Variants in FAM135B observed in about 807,000 individuals in gnomAD.
FAM135B encodes the protein protein FAM135B.
A neutral mutation model predicts 127.7 loss-of-function variants in FAM135B; 43 were observed. The observed-to-expected ratio is 0.34, with a 90% CI of 0.26 to 0.43. FAM135B has a LOEUF of 0.43. Among genes scored for constraint, FAM135B ranks in the 20% least tolerant of loss-of-function variants. The pLI is 1.00. For missense variants in FAM135B, 1,558 were observed against 1,725.6 expected, an observed-to-expected ratio of 0.90 and a Z score of 1.72; for synonymous variants, 670 against 665.1, an observed-to-expected ratio of 1.01 and a Z score of -0.11.
At chr8:138,206,285 G>GCATCCCCTCCACCTACA (rs1817574494) in intron 7 of FAM135B, among the ~76,000 whole-genome samples, 2 of 12,518 alleles carry the variant, frequency 1.6e-4, no homozygotes, top group Admixed American at 7.7e-4. Flanking sequence ...CTCCACCTAC[G>GCATCCCCTCCACCTACA]CACAGCTCTA....
intron 7 of FAM135B, among the ~76,000 whole-genome samples, chr8:138,234,010 G>A (rs980109477): frequency 1.5e-4 from 23 of 152,230 alleles, no homozygotes; most frequent in South Asian, 6.2e-4. Context: ...TTGTCATCAC[G>A]TGACATCTCT....
chr8:138,303,372 G>C (rs985979023), intron 3 of FAM135B, among the ~76,000 whole-genome samples: 3 of 152,116 alleles, frequency 2.0e-5, no homozygotes, highest in African/African-American at 7.2e-5. Flanking sequence ...ACTCATAAGT[G>C]GGAGTTGAAC....
chr8:138,316,924 G>C (rs1412600837), intron 2 of FAM135B, among the ~76,000 whole-genome samples: 3 of 151,498 alleles, frequency 2.0e-5, no homozygotes, highest in Non-Finnish European at 4.4e-5. Flanking sequence ...AGCTTGCAGT[G>C]AGCCGTGACC....
Position 138,152,961 on chromosome 8 carries a change from C to G in FAM135B, c.1514G>C (p.Gly505Ala), listed in dbSNP as rs1009509619. Residue 505 changes from glycine (G) to alanine (A), a missense_variant, in exon 13 of 20, where the codon GGT becomes GCT. Physicochemically the swap from Gly to Ala is moderately conservative, Grantham distance 60. Around this residue, in one of 5 missense-constraint regions of FAM135B, gnomAD observed 923 missense variants for 865.3 expected, o/e 1.07. Coordinates refer to ENST00000395297, the MANE Select transcript of FAM135B (RefSeq NM_015912.4). Reference protein sequence around the residue: ...CSESQVYISIGEFQNKAGVPE... With the variant: ...CSESQVYISIAEFQNKAGVPE... ...CACACCTGCTTTGTTTTGAAATTCACCAATTGATATATACACCTGAGATTC... is the reference window on the plus strand; with the variant it reads ...CACACCTGCTTTGTTTTGAAATTCAGCAATTGATATATACACCTGAGATTC... The G allele has an allele frequency of 6.2e-7, 1 of 1,614,180 alleles. No homozygotes were observed. Among genetic ancestry groups the G allele is most frequent in the Admixed American group, 1.7e-5 (1 of 60,022 alleles).
intron 12 of FAM135B, among the ~76,000 whole-genome samples, chr8:138,167,652 C>T (rs74400766): frequency 7.2e-5 from 11 of 152,150 alleles, no homozygotes; most frequent in Admixed American, 2.0e-4. Flanking sequence ...TGAAGCACTA[C>T]GTATAATTCC....
rs369688641 is a variant in FAM135B at position 138,151,981 on chromosome 8, T to C, written c.2494A>G (p.Ile832Val). ...TGCTGGTTGTCAGCATCTAAAACTATCTCCACCAGGGGATGGTCTGCTCCA... is the reference window on the plus strand; with the variant it reads ...TGCTGGTTGTCAGCATCTAAAACTACCTCCACCAGGGGATGGTCTGCTCCA... Reference protein sequence around the residue: ...DAGADHPLVEIVLDADNQQGP... With the variant: ...DAGADHPLVEVVLDADNQQGP... The change falls in exon 13 of 20, where the codon ATA (isoleucine) becomes GTA (valine). Residue 832 changes from isoleucine to valine, a missense_variant. This residue lies in a region of FAM135B where 923 missense variants were observed against 865.3 expected (regional missense o/e 1.07). Coordinates refer to ENST00000395297, the MANE Select transcript of FAM135B (RefSeq NM_015912.4). 2.5e-5 allele frequency: 41 copies of C among 1,614,062 alleles called. No individual in the cohort carries two copies. Among genetic ancestry groups the C allele is most frequent in the Non-Finnish European group, 3.4e-5 (40 of 1,180,002 alleles).
intron 1 of FAM135B, among the ~76,000 whole-genome samples, chr8:138,368,936 G>C (rs1008642893): frequency 6.6e-6 from 1 of 152,096 alleles, no homozygotes; most frequent in Admixed American, 6.5e-5. Context: ...TTCCATGTAA[G>C]TTGCCTGATT....
chr8:138,297,987 C>A (rs757181289), intron 3 of FAM135B, among the ~76,000 whole-genome samples: 8 of 152,142 alleles, frequency 5.3e-5, no homozygotes, highest in South Asian at 2.1e-4. Context: ...TTGCCCAGAC[C>A]CGGGAGCTGG....
intron 1 of FAM135B, among the ~76,000 whole-genome samples, chr8:138,454,816 T>C (rs1344816419): frequency 1.3e-5 from 2 of 152,222 alleles, no homozygotes; most frequent in African/African-American, 2.4e-5. Context: ...TATCTACTCC[T>C]TGTCTCATGC....
At chr8:138,215,108 G>A (rs1326546851) in intron 7 of FAM135B, among the ~76,000 whole-genome samples, 1 of 152,120 alleles carries the variant, frequency 6.6e-6, no homozygotes, top group Non-Finnish European at 1.5e-5. Flanking sequence ...CATGAAGATG[G>A]ACATGATTAA....
chr8:138,287,983 G>C (rs568806794), intron 3 of FAM135B, among the ~76,000 whole-genome samples: 5 of 152,276 alleles, frequency 3.3e-5, no homozygotes, highest in African/African-American at 1.2e-4. Flanking sequence ...ACATGCTCAA[G>C]GAGCATTTTG....
chr8:138,208,633 A>G (rs1817898492), intron 7 of FAM135B, among the ~76,000 whole-genome samples: 1 of 152,256 alleles, frequency 6.6e-6, no homozygotes, highest in Non-Finnish European at 1.5e-5. Flanking sequence ...GGTCAAGTCC[A>G]GGCTTTGCTC....
At chr8:138,238,190 G>T (rs1289947323) in intron 7 of FAM135B, among the ~76,000 whole-genome samples, 2 of 152,194 alleles carry the variant, frequency 1.3e-5, no homozygotes, top group Non-Finnish European at 2.9e-5. Context: ...CTTGGAGGAA[G>T]ATTTGATTTA....
At chr8:138,449,638 G>T (rs1023555869) in intron 1 of FAM135B, among the ~76,000 whole-genome samples, 10 of 152,162 alleles carry the variant, frequency 6.6e-5, no homozygotes, top group African/African-American at 2.2e-4. Flanking sequence ...AATCTGCTCA[G>T]ATTTCTTTTT....
chr8:138,450,436 G>C (rs758162879), intron 1 of FAM135B: 3 of 152,206 alleles, frequency 2.0e-5, no homozygotes, highest in Non-Finnish European at 4.4e-5. Context: ...GCCTTCCACA[G>C]GGATTATATC....
At chr8:138,208,513 C>A (rs4909404) in intron 7 of FAM135B, among the ~76,000 whole-genome samples, 109,225 of 151,806 alleles carry the variant, frequency 0.72, 39,529 homozygotes, top group East Asian at 0.82. Flanking sequence ...TTTCTGATCC[C>A]GTTTATTTCA....
At chr8:138,304,943 CCCACCCTGCCGG>C (rs1022127726) in intron 3 of FAM135B, among the ~76,000 whole-genome samples, 11 of 152,156 alleles carry the variant, frequency 7.2e-5, no homozygotes, top group African/African-American at 1.9e-4. Flanking sequence ...CACTCTGCCA[CCCACCCTGCCGG>C]CCACCCTGCC....
At chr8:138,392,852 A>G (rs1048723050) in intron 1 of FAM135B, among the ~76,000 whole-genome samples, 1 of 152,178 alleles carries the variant, frequency 6.6e-6, no homozygotes, top group African/African-American at 2.4e-5. Flanking sequence ...TATGGGGAAG[A>G]ATTAGAAACT....
intron 7 of FAM135B, among the ~76,000 whole-genome samples, chr8:138,202,186 G>T (rs1029840944): frequency 3.3e-5 from 5 of 150,422 alleles, no homozygotes; most frequent in Non-Finnish European, 7.4e-5. Context: ...CTGCAAATGG[G>T]AAAATATTTG....
Sources: gnomAD v4.1 joint callset for allele counts (sites outside exome capture counted in the v4.1 genomes callset) on GRCh38, gnomAD v4.1.1 for gene constraint, gnomAD v4.1.1 regional missense constraint, MANE v1.5 for transcripts, NCBI Gene and HGNC (gene_info 2026-07-23, HGNC 2026-07-21) for gene names.